FIG4: variants seen among roughly 807,000 people sequenced by gnomAD.
FIG4 encodes FIG4 phosphoinositide 5-phosphatase.
In FIG4, 112 loss-of-function variants were observed where a neutral mutation model predicts 118.6. The observed-to-expected ratio is 0.94, with a 90% confidence interval of 0.81 to 1.11. The LOEUF is 1.11. Among genes scored for constraint, FIG4 ranks in the 50% least tolerant of loss-of-function variants. FIG4 has a pLI of 0.00. For missense variants in FIG4, 969 were observed against 1,111.7 expected, an observed-to-expected ratio of 0.87 and a Z score of 1.83; for synonymous variants, 369 against 381.2, an observed-to-expected ratio of 0.97 and a Z score of 0.37.
chr6:109,767,988 TGTTGAAGAGACGCAG>T (rs1777335582), intron 15 of FIG4, among the ~76,000 whole-genome samples: 2 of 152,204 alleles, frequency 1.3e-5, no homozygotes, highest in South Asian at 4.1e-4. Flanking sequence ...GGTATCCTGC[TGTTGAAGAGACGCAG>T]CATGTAGGCC....
intron 1 of FIG4, among the ~76,000 whole-genome samples, chr6:109,697,462 T>G (rs543251835): frequency 5.9e-5 from 9 of 152,288 alleles, no homozygotes; most frequent in Admixed American, 5.9e-4. Context: ...TTGAGCTGAC[T>G]GTTGACAAGG....
rs535554973 is a variant in FIG4 at position 109,762,132 on chromosome 6, A to G, written c.1313A>G (p.Glu438Gly). The G allele has an allele frequency of 6.8e-6, 11 of 1,613,796 alleles. No homozygotes were observed. The South Asian group carries it at 1.1e-4, about 16-fold the overall frequency. ...NVLDRLNVIA[E>G]SVVKKTGFFV... ...CTTGATCGACTAAATGTGATTGCAGAAAGTGTGGTGAAGAAAACAGGTTTC... is the reference window on the plus strand; with the variant it reads ...CTTGATCGACTAAATGTGATTGCAGGAAGTGTGGTGAAGAAAACAGGTTTC... Residue 438 changes from glutamate (E) to glycine (G), a missense_variant, in exon 12 of 23, where the codon GAA becomes GGA. By Grantham distance (98) the Glu-to-Gly change is moderately conservative. Around this residue, in one of 3 missense-constraint regions of FIG4, gnomAD observed 246 missense variants for 354.3 expected, o/e 0.69. Transcript: ENST00000230124.
intron 3 of FIG4, among the ~76,000 whole-genome samples, chr6:109,720,570 C>T (rs1775576073): frequency 6.6e-6 from 1 of 152,178 alleles, no homozygotes; most frequent in African/African-American, 2.4e-5. Flanking sequence ...TGCAGACCAA[C>T]ACCACATGTG....
At chr6:109,808,109 A>G (rs1268091387) in intron 22 of FIG4, among the ~76,000 whole-genome samples, 1 of 152,172 alleles carries the variant, frequency 6.6e-6, no homozygotes, top group Non-Finnish European at 1.5e-5. Context: ...GAGCACTCAC[A>G]GGAAGCATGG....
intron 20 of FIG4, among the ~76,000 whole-genome samples, 174 bp downstream of exon 20, chr6:109,791,745 C>G (rs111683981): frequency 6.6e-6 from 1 of 152,178 alleles, no homozygotes; most frequent in African/African-American, 2.4e-5. Flanking sequence ...TATTTCATTT[C>G]AAAATAAAAT....
chr6:109,808,663 A>G (rs932197432), intron 22 of FIG4, among the ~76,000 whole-genome samples: 19 of 152,170 alleles, frequency 1.2e-4, no homozygotes, highest in African/African-American at 4.1e-4. Context: ...TGACAGACAG[A>G]CAAACTATGT....
intron 1 of FIG4, among the ~76,000 whole-genome samples, chr6:109,702,623 G>C (rs996259454): frequency 1.3e-5 from 2 of 152,020 alleles, no homozygotes; most frequent in Non-Finnish European, 2.9e-5. Context: ...AGGCATGCCT[G>C]ATCTATGGAA....
intron 22 of FIG4, among the ~76,000 whole-genome samples, chr6:109,810,417 C>T (rs185943404): frequency 1.2e-4 from 19 of 152,248 alleles, no homozygotes; most frequent in Admixed American, 7.2e-4. Context: ...CTGTCCAGGT[C>T]GTGGCTGCCT....
chr6:109,814,996 G>A (rs1051379584), intron 22 of FIG4, among the ~76,000 whole-genome samples: 1 of 151,760 alleles, frequency 6.6e-6, no homozygotes, highest in African/African-American at 2.4e-5. Context: ...GTATATACAT[G>A]CATATCTATT....
At chr6:109,762,061 C>G (rs1777123994) in intron 11 of FIG4, 30 bp from the exon 12 acceptor site, 5 of 1,343,430 alleles carry the variant, frequency 3.7e-6, no homozygotes, top group African/African-American at 1.4e-5. Flanking sequence ...CTTGGCTTCT[C>G]ACTTTTCTCA....
chr6:109,788,167 T>A (rs1376157443), intron 18 of FIG4, among the ~76,000 whole-genome samples: 1 of 152,162 alleles, frequency 6.6e-6, no homozygotes, highest in Non-Finnish European at 1.5e-5. Flanking sequence ...CATATTCAAG[T>A]TACTATGGGT....
intron 10 of FIG4, among the ~76,000 whole-genome samples, chr6:109,755,917 G>A (rs1219063902): frequency 6.6e-6 from 1 of 152,074 alleles, no homozygotes; most frequent in Non-Finnish European, 1.5e-5. Context: ...CTTTTAATTG[G>A]AGCATTTAGT....
chr6:109,744,540 G>A (rs933154485), intron 10 of FIG4, among the ~76,000 whole-genome samples: 11 of 151,986 alleles, frequency 7.2e-5, no homozygotes, highest in African/African-American at 2.7e-4. Flanking sequence ...TAGTGTCTGA[G>A]GTTATTCTGA....
At chr6:109,762,513 C>T (rs908846299) in intron 12 of FIG4, among the ~76,000 whole-genome samples, 13 of 151,134 alleles carry the variant, frequency 8.6e-5, no homozygotes, top group Non-Finnish European at 1.5e-4. Flanking sequence ...TAGAAACAGA[C>T]ATTTTTTTCT....
chr6:109,773,743 C>G (rs975716980), intron 15 of FIG4, among the ~76,000 whole-genome samples: 1 of 152,188 alleles, frequency 6.6e-6, no homozygotes, highest in South Asian at 2.1e-4. Context: ...GCTATCACAG[C>G]TTACTGCAGC....
chr6:109,721,131 C>T (rs772174250), intron 3 of FIG4, among the ~76,000 whole-genome samples: 9 of 152,216 alleles, frequency 5.9e-5, no homozygotes, highest in South Asian at 2.1e-4. Flanking sequence ...AGTATCAATA[C>T]GGTACACTGT....
chr6:109,779,379 T>C (rs1777727151), intron 16 of FIG4, among the ~76,000 whole-genome samples: 1 of 152,192 alleles, frequency 6.6e-6, no homozygotes, highest in Non-Finnish European at 1.5e-5. Flanking sequence ...AGAGTTTATA[T>C]GTGGGAATAA....
intron 4 of FIG4, among the ~76,000 whole-genome samples, chr6:109,730,057 T>G (rs1297746836): frequency 6.6e-6 from 1 of 152,056 alleles, no homozygotes; most frequent in Non-Finnish European, 1.5e-5. Context: ...TTATAATTTT[T>G]TTTTTTCTTG....
intron 1 of FIG4, among the ~76,000 whole-genome samples, chr6:109,710,476 G>A (rs1311837448): frequency 6.6e-6 from 1 of 152,204 alleles, no homozygotes; most frequent in African/African-American, 2.4e-5. Flanking sequence ...CATAGAATGA[G>A]TTAGGGAGGA....
Sources: allele counts gnomAD v4.1 joint callset (sites outside exome capture counted in the v4.1 genomes callset), GRCh38; gene constraint gnomAD v4.1.1; regional missense constraint gnomAD v4.1.1; transcripts MANE v1.5; gene names NCBI Gene and HGNC (gene_info 2026-07-23, HGNC 2026-07-21).